The following LMO7 variants were observed in gnomAD, a reference collection of about 807,000 sequenced individuals.
The protein encoded by LMO7 is LIM domain only protein 7.
In LMO7, 120 loss-of-function variants were observed where a neutral mutation model predicts 206.5. The ratio of observed to expected loss-of-function variants is 0.58; its 90% CI spans 0.50 to 0.68. The LOEUF is 0.68. Ranked by LOEUF, LMO7 falls within the 30% of genes least tolerant of loss-of-function variation. LMO7 has a pLI of 0.00. For missense variants in LMO7, 1,959 were observed against 1,957.9 expected, an observed-to-expected ratio of 1.00 and a Z score of -0.01; for synonymous variants, 706 against 681.5, an observed-to-expected ratio of 1.04 and a Z score of -0.56.
At chr13:75,846,984 T>G (rs2060045461) in intron 26 of LMO7, among the ~76,000 whole-genome samples, 1 of 144,570 alleles carries the variant, frequency 6.9e-6, no homozygotes, top group Non-Finnish European at 1.5e-5. Context: ...TGAGCCGAGA[T>G]CGCTCCACTG....
chr13:75,688,201 C>T lies in LMO7; in HGVS notation c.70-24981C>T, dbSNP rs76460384. On this transcript the variant is annotated intron_variant, in intron 1 of 30. Coordinates refer to ENST00000377534, the MANE Select transcript of LMO7 (RefSeq NM_001306080.2). ...TATTAGCAGCATGAGAGCAGAGTAACACAGTACCTTTAAACCAAGTCAAGG... is the reference window on the plus strand; with the variant it reads ...TATTAGCAGCATGAGAGCAGAGTAATACAGTACCTTTAAACCAAGTCAAGG... Among the ~76,000 whole-genome samples, 769 of 152,242 alleles carry T rather than the reference C, an allele frequency of 5.1e-3. 8 individuals carry two copies. The highest frequency in any genetic ancestry group is 0.018 in the African/African-American group (737 of 41,538).
exon 1 of LMO7, chr13:75,621,615 A>T: frequency 1.6e-6 from 1 of 640,612 alleles, no homozygotes; most frequent in Non-Finnish European, 2.5e-6. Flanking sequence ...ATATGGTGCT[A>T]CAGTGATAGG....
intron 4 of LMO7, among the ~76,000 whole-genome samples, chr13:75,787,522 C>T (rs903730853): frequency 2.0e-5 from 3 of 152,186 alleles, no homozygotes; most frequent in South Asian, 2.1e-4. Context: ...GGTACTTATT[C>T]ACTTATCAAG....
chr13:75,802,507 A>G lies in LMO7; in HGVS notation c.661+1625A>G, dbSNP rs555451254. 2.6e-5 allele frequency among the ~76,000 whole-genome samples: 4 copies of G among 152,316 alleles called. No individual in the cohort carries two copies. In the South Asian group the frequency reaches 6.2e-4, roughly 24 times the overall value. ...TAGTCAAGGAATAAAAGGGGAAGGG[A>G]TAGAGGGCATGTGGGAATATGCAGG... On this transcript the variant is annotated intron_variant, in intron 7 of 30. Transcript: ENST00000377534.
intron 3 of LMO7, among the ~76,000 whole-genome samples, chr13:75,739,938 A>T (rs1282986310): frequency 6.6e-6 from 1 of 152,200 alleles, no homozygotes; most frequent in Non-Finnish European, 1.5e-5. Flanking sequence ...TGAGACCTCA[A>T]GACAGAGTAC....
At chr13:75,714,667 G>C (rs1271303076) in intron 2 of LMO7, among the ~76,000 whole-genome samples, 1 of 152,164 alleles carries the variant, frequency 6.6e-6, no homozygotes, top group Non-Finnish European at 1.5e-5. Flanking sequence ...AATGTGAATA[G>C]TGTTTCAATT....
intron 3 of LMO7, among the ~76,000 whole-genome samples, chr13:75,733,886 C>G (rs1349043965): frequency 6.6e-6 from 1 of 152,186 alleles, no homozygotes; most frequent in African/African-American, 2.4e-5. Context: ...TCAGGGTCAC[C>G]TTCTGAAGCT....
intron 4 of LMO7, among the ~76,000 whole-genome samples, chr13:75,782,178 A>G (rs868275897): frequency 6.6e-6 from 1 of 152,216 alleles, no homozygotes; most frequent in South Asian, 2.1e-4. Flanking sequence ...AGAATTAAAA[A>G]GTTTCATGTG....
At chr13:75,819,962 T>C (rs1296671806) in intron 13 of LMO7, among the ~76,000 whole-genome samples, 1 of 152,244 alleles carries the variant, frequency 6.6e-6, no homozygotes, top group Admixed American at 6.5e-5. Flanking sequence ...ATTCATTATA[T>C]TTTAAAGAAA....
rs557610783 is a variant in LMO7 at position 75,659,616 on chromosome 13, C to T, written c.69+22890C>T. 1.5e-3 allele frequency among the ~76,000 whole-genome samples: 232 copies of T among 152,178 alleles called. 2 individuals carry two copies. Among genetic ancestry groups the T allele is most frequent in the Admixed American group, 2.9e-3 (45 of 15,268 alleles). On this transcript the variant is annotated intron_variant, in intron 1 of 30. Coordinates refer to ENST00000377534, the MANE Select transcript of LMO7 (RefSeq NM_001306080.2). The stretch of plus-strand genomic sequence containing the variant: ...ATGACAAGAATAGCACGGGAAAGAC[C>T]GGCCCACATGATTCAATTACCTCCC...
intron 2 of LMO7, among the ~76,000 whole-genome samples, chr13:75,721,049 C>T (rs2043979543): frequency 6.6e-6 from 1 of 151,994 alleles, no homozygotes. Flanking sequence ...AAGGCATTTA[C>T]TTAATTAAGA....
chr13:75,729,783 T>C (rs2044932072), intron 3 of LMO7, among the ~76,000 whole-genome samples: 1 of 151,226 alleles, frequency 6.6e-6, no homozygotes, highest in Non-Finnish European at 1.5e-5. Flanking sequence ...ATAGCTCTTA[T>C]TATTTTGAGA....
chr13:75,656,176 T>C (rs1390968815), intron 1 of LMO7, among the ~76,000 whole-genome samples: 1 of 152,164 alleles, frequency 6.6e-6, no homozygotes, highest in African/African-American at 2.4e-5. Context: ...CTTCCACTCT[T>C]CGTCTTCCAG....
chr13:75,683,516 G>C (rs1470485348), intron 1 of LMO7, among the ~76,000 whole-genome samples: 1 of 152,140 alleles, frequency 6.6e-6, no homozygotes, highest in Non-Finnish European at 1.5e-5. Context: ...TTCCTTAGCA[G>C]ATTTCTAGTC....
chr13:75,646,039 G>A (rs1344173554), intron 1 of LMO7, among the ~76,000 whole-genome samples: 1 of 152,106 alleles, frequency 6.6e-6, no homozygotes, highest in African/African-American at 2.4e-5. Context: ...GTCACGCTCA[G>A]TGGGTTCTAA....
chr13:75,697,101 G>A (rs189990095), intron 1 of LMO7, among the ~76,000 whole-genome samples: 2 of 152,270 alleles, frequency 1.3e-5, no homozygotes, highest in East Asian at 3.9e-4. Context: ...AGCCATGAAT[G>A]CCAATACACA....
intron 1 of LMO7, among the ~76,000 whole-genome samples, chr13:75,711,489 T>A (rs531331825): frequency 2.8e-4 from 43 of 152,330 alleles, no homozygotes; most frequent in African/African-American, 9.9e-4. Context: ...CTGTTATTGG[T>A]CTATTCAGAG....
chr13:75,745,041 AG>A (rs1371103464), intron 3 of LMO7, among the ~76,000 whole-genome samples: 1 of 152,210 alleles, frequency 6.6e-6, no homozygotes, highest in Non-Finnish European at 1.5e-5. Context: ...ATGTGAATAA[AG>A]AATGATTGAG....
intron 2 of LMO7, among the ~76,000 whole-genome samples, chr13:75,624,710 C>G (rs1231408710): frequency 6.6e-6 from 1 of 152,182 alleles, no homozygotes; most frequent in Non-Finnish European, 1.5e-5. Context: ...GCAGGAAACT[C>G]CCGTTTTTAA....
Sources: gnomAD v4.1 joint callset for allele counts (sites outside exome capture counted in the v4.1 genomes callset) on GRCh38, gnomAD v4.1.1 for gene constraint, MANE v1.5 for transcripts, NCBI Gene and HGNC (gene_info 2026-07-23, HGNC 2026-07-21) for gene names.